The following PTTG1IP2 variants were observed in gnomAD, a reference collection of about 807,000 sequenced individuals.
PTTG1IP2 encodes the protein PTTG1IP family member 2.
intron 6 of PTTG1IP2, among the ~76,000 whole-genome samples, chr7:90,511,695 C>T (rs750297818): frequency 3.5e-4 from 54 of 152,122 alleles, no homozygotes; most frequent in Admixed American, 1.6e-3. Context: ...TTTACTTTTC[C>T]CTCTCTCCTC....
chr7:90,505,554 AC>A (rs1798114295), intron 6 of PTTG1IP2, among the ~76,000 whole-genome samples: 1 of 152,226 alleles, frequency 6.6e-6, no homozygotes. Context: ...GAAAGACTTA[AC>A]CTACTGTTTC....
intron 1 of PTTG1IP2, among the ~76,000 whole-genome samples, chr7:90,475,144 G>A (rs1797733003): frequency 6.6e-6 from 1 of 152,064 alleles, no homozygotes; most frequent in Admixed American, 6.5e-5. Context: ...CAGATGAACT[G>A]GAGCTAAGGA....
intron 1 of PTTG1IP2, among the ~76,000 whole-genome samples, chr7:90,478,828 ATT>A (rs56214708): frequency 0.031 from 4,448 of 145,582 alleles, 98 homozygotes; most frequent in Non-Finnish European, 0.04. Flanking sequence ...TAGGGAATTA[ATT>A]TTTTTTTTTT....
At chr7:90,486,196 A>G (rs563189587) in intron 2 of PTTG1IP2, among the ~76,000 whole-genome samples, 3 of 152,304 alleles carry the variant, frequency 2.0e-5, no homozygotes, top group African/African-American at 7.2e-5. Context: ...GTCTGGGTTC[A>G]ATCTTACAGG....
At chr7:90,486,520 A>G (rs564399002) in intron 2 of PTTG1IP2, among the ~76,000 whole-genome samples, 1 of 140,690 alleles carries the variant, frequency 7.1e-6, no homozygotes, top group East Asian at 2.1e-4. Flanking sequence ...ACCTCCCATA[A>G]TGTTTTTCAC....
intron 1 of PTTG1IP2, among the ~76,000 whole-genome samples, chr7:90,472,764 T>C (rs1170745311): frequency 2.6e-5 from 4 of 152,222 alleles, no homozygotes; most frequent in Non-Finnish European, 5.9e-5. Context: ...AAGTTCCCAG[T>C]GTTATATATA....
At chr7:90,475,900 C>T (rs914301913) in intron 1 of PTTG1IP2, among the ~76,000 whole-genome samples, 1 of 150,132 alleles carries the variant, frequency 6.7e-6, no homozygotes, top group Non-Finnish European at 1.5e-5. Flanking sequence ...GAGATCGCGC[C>T]ACTGCACTCC....
chr7:90,472,936 A>T (rs1365327313), intron 1 of PTTG1IP2, among the ~76,000 whole-genome samples: 1 of 152,204 alleles, frequency 6.6e-6, no homozygotes, highest in African/African-American at 2.4e-5. Flanking sequence ...GAAACCTGGT[A>T]TACCACTTCT....
chr7:90,478,828 A>ATT lies in PTTG1IP2; in HGVS notation c.146-385_146-384dup, dbSNP rs56214708. Among the ~76,000 whole-genome samples, 99 of 145,648 alleles carry ATT rather than the reference A, an allele frequency of 6.8e-4. 1 individual carries two copies. Among genetic ancestry groups the ATT allele is most frequent in the South Asian group, 3.9e-3 (18 of 4,606 alleles). ...TGTGGCAAAAAAAGATAGGGAATTA[A>ATT]TTTTTTTTTTTTTTTTACTATTTAA... is the stretch of plus-strand genomic sequence containing the variant. On this transcript the variant is annotated intron_variant, in intron 1 of 6. Transcript: ENST00000509356.
chr7:90,495,961 T>TG (rs1465182527), intron 6 of PTTG1IP2, among the ~76,000 whole-genome samples: 26 of 152,158 alleles, frequency 1.7e-4, no homozygotes, highest in Non-Finnish European at 3.2e-4. Context: ...AATTTGGGGT[T>TG]GGGGGGGAGT....
At chr7:90,490,976 A>G (rs2188515) in intron 4 of PTTG1IP2, among the ~76,000 whole-genome samples, 30,247 of 152,116 alleles carry the variant, frequency 0.2, 3,604 homozygotes, top group East Asian at 0.55. Flanking sequence ...TGTTAATTCA[A>G]TGAGTGCTGT....
At chr7:90,480,358 G>A (rs1321704664) in intron 2 of PTTG1IP2, among the ~76,000 whole-genome samples, 1 of 152,002 alleles carries the variant, frequency 6.6e-6, no homozygotes, top group Non-Finnish European at 1.5e-5. Context: ...GAATTCTCAT[G>A]GTTGTTCACC....
At chr7:90,512,525 G>C (rs1459767284) in intron 6 of PTTG1IP2, among the ~76,000 whole-genome samples, 3 of 152,182 alleles carry the variant, frequency 2.0e-5, no homozygotes, top group Non-Finnish European at 4.4e-5. Context: ...GAAGTTCTTT[G>C]TGGCTATAGA....
intron 4 of PTTG1IP2, 75 bp from the exon 5 acceptor site, chr7:90,492,164 C>G (rs533892122): frequency 6.6e-6 from 1 of 152,178 alleles, no homozygotes; most frequent in South Asian, 2.1e-4. Flanking sequence ...AGTAGTCTAT[C>G]TAATGAAAAA....
chr7:90,474,987 A>G (rs1337867997), intron 1 of PTTG1IP2, among the ~76,000 whole-genome samples: 3 of 152,236 alleles, frequency 2.0e-5, no homozygotes, highest in Non-Finnish European at 4.4e-5. Flanking sequence ...CTAAAAGTAG[A>G]CAGTGAGACT....
chr7:90,498,845 A>T lies in PTTG1IP2; in HGVS notation c.*50+4415A>T, dbSNP rs566637033. 1.9e-3 allele frequency among the ~76,000 whole-genome samples: 288 copies of T among 152,312 alleles called. 3 individuals are homozygous for T. Among genetic ancestry groups the T allele is most frequent in the Admixed American group, 0.017 (257 of 15,296 alleles). ...TTACTCTTTCTGTTTCCTTTTAAAAATTTTTTTTTAATTTTCTTTTCTTTG... is the reference window on the plus strand; with the variant it reads ...TTACTCTTTCTGTTTCCTTTTAAAATTTTTTTTTTAATTTTCTTTTCTTTG... On this transcript the variant is annotated intron_variant, in intron 6 of 6. Coordinates refer to ENST00000509356, the MANE Select transcript of PTTG1IP2 (RefSeq NM_001365443.2).
intron 2 of PTTG1IP2, among the ~76,000 whole-genome samples, chr7:90,480,121 C>T (rs867237923): frequency 1.3e-5 from 2 of 152,170 alleles, no homozygotes; most frequent in African/African-American, 2.4e-5. Flanking sequence ...GGTCTAGATA[C>T]GTGACCTGCC....
At chr7:90,497,742 A>AAAAAAAAAG (rs1554407474) in intron 6 of PTTG1IP2, among the ~76,000 whole-genome samples, 1 of 135,616 alleles carries the variant, frequency 7.4e-6, no homozygotes. Context: ...AAAAAAAAAA[A>AAAAAAAAAG]AAGAAGAAGA....
At chr7:90,483,209 C>A (rs564928821) in intron 2 of PTTG1IP2, among the ~76,000 whole-genome samples, 42 of 152,232 alleles carry the variant, frequency 2.8e-4, no homozygotes, top group Admixed American at 1.5e-3. Flanking sequence ...GGCAACTATT[C>A]CCAGCACTTT....
Sources: gnomAD v4.1 joint callset for allele counts (sites outside exome capture counted in the v4.1 genomes callset) on GRCh38, gnomAD v4.1.1 for gene constraint, MANE v1.5 for transcripts, NCBI Gene and HGNC (gene_info 2026-07-23, HGNC 2026-07-21) for gene names.